TAOK1: variants seen among roughly 807,000 people sequenced by gnomAD.
The protein encoded by TAOK1 is TAO kinase 1.
In TAOK1, 21 loss-of-function variants were observed where a neutral mutation model predicts 138.3. The observed-to-expected ratio is 0.15, with a 90% CI of 0.11 to 0.22. The LOEUF (loss-of-function observed/expected upper bound fraction) is 0.22, where lower values mean the gene tolerates loss of function less well. TAOK1 is among the 10% of genes least tolerant of loss of function. TAOK1 has a pLI of 1.00. For missense variants in TAOK1, 651 were observed against 1,227.7 expected, an observed-to-expected ratio of 0.53 and a Z score of 7.02; for synonymous variants, 361 against 398.4, an observed-to-expected ratio of 0.91 and a Z score of 1.12.
At chr17:29,502,005 A>T (rs192033196) in intron 12 of TAOK1, among the ~76,000 whole-genome samples, 5 of 152,132 alleles carry the variant, frequency 3.3e-5, no homozygotes, top group African/African-American at 1.2e-4. Flanking sequence ...TTACCACTGC[A>T]CTCCAACCTG....
chr17:29,423,703 TTC>T (rs1567714337), intron 1 of TAOK1, among the ~76,000 whole-genome samples: 1 of 152,160 alleles, frequency 6.6e-6, no homozygotes, highest in Non-Finnish European at 1.5e-5. Flanking sequence ...TCTGATTTAA[TTC>T]TGTGTGGTCG....
At chr17:29,507,867 T>C (rs1365474954) in intron 13 of TAOK1, 29 bp from the exon 14 acceptor site, 6 of 1,587,904 alleles carry the variant, frequency 3.8e-6, no homozygotes, top group Non-Finnish European at 5.2e-6. Context: ...TTTATTTTCT[T>C]CTTTTCCTTA....
intron 14 of TAOK1, among the ~76,000 whole-genome samples, chr17:29,510,474 C>A (rs1387542659): frequency 1.3e-5 from 2 of 152,080 alleles, no homozygotes; most frequent in Non-Finnish European, 2.9e-5. Flanking sequence ...TAAGATGTTT[C>A]TTGTTTTTCT....
In TAOK1 at chr17:29,397,607, C is replaced by CTCAAAAA. The variant is rs60665025; in HGVS notation, c.-95+6583_-95+6584insTCAAAAA. ...AACAGAGTGAGATTCCGTCCCCCCC[C>CTCAAAAA]AAAAAAATATATATATATATATACA... On this transcript the variant is annotated intron_variant, in intron 1 of 19. Transcript: ENST00000261716. 1.6e-4 allele frequency among the ~76,000 whole-genome samples: 15 copies of CTCAAAAA among 94,616 alleles called. 1 individual carries two copies. The highest frequency in any genetic ancestry group is 8.0e-4 in the African/African-American group (15 of 18,698). 62.1% of individuals were successfully genotyped at this position (94,616 alleles called of 152,430 possible).
intron 15 of TAOK1, among the ~76,000 whole-genome samples, chr17:29,516,501 A>AT (rs36052568): frequency 0.051 from 6,440 of 126,964 alleles, 539 homozygotes; most frequent in African/African-American, 0.17. Context: ...CACCTGGCTA[A>AT]TTTTTTTTTT....
intron 2 of TAOK1, among the ~76,000 whole-genome samples, chr17:29,458,858 G>C (rs530664594): frequency 5.3e-4 from 81 of 151,904 alleles, no homozygotes; most frequent in African/African-American, 1.9e-3. Context: ...CCACGCCCAG[G>C]TAATTTTATT....
At chr17:29,509,764 C>CA (rs1207279357) in intron 14 of TAOK1, among the ~76,000 whole-genome samples, 1 of 151,584 alleles carries the variant, frequency 6.6e-6, no homozygotes, top group Non-Finnish European at 1.5e-5. Context: ...AGCAGGGTGG[C>CA]ATACGCCTTT....
intron 8 of TAOK1, 86 bp from the exon 9 acceptor site, chr17:29,489,578 A>AT: frequency 1.2e-6 from 1 of 842,130 alleles, no homozygotes. Context: ...AAATAAAATC[A>AT]TTTAAAAAAA....
chr17:29,509,662 G>C (rs1408086167), intron 14 of TAOK1, among the ~76,000 whole-genome samples: 1 of 151,966 alleles, frequency 6.6e-6, no homozygotes, highest in Non-Finnish European at 1.5e-5. Context: ...GGGAGGCCGA[G>C]GTGAGAAGAT....
intron 19 of TAOK1, among the ~76,000 whole-genome samples, chr17:29,540,647 C>T (rs1452798384): frequency 1.3e-5 from 2 of 151,416 alleles, no homozygotes; most frequent in Admixed American, 6.6e-5. Flanking sequence ...CTCTTCTCAC[C>T]GCAACCTCCG....
chr17:29,419,432 T>C (rs1905359443), intron 1 of TAOK1, among the ~76,000 whole-genome samples: 1 of 151,932 alleles, frequency 6.6e-6, no homozygotes, highest in Non-Finnish European at 1.5e-5. Context: ...CCGACATCAA[T>C]TGATCCACCC....
intron 1 of TAOK1, among the ~76,000 whole-genome samples, chr17:29,408,222 G>GT (rs1180646566): frequency 0.037 from 4,799 of 130,926 alleles, 162 homozygotes; most frequent in African/African-American, 0.084. Flanking sequence ...TGGCCATAAG[G>GT]TTTTTTTTTT....
intron 1 of TAOK1, among the ~76,000 whole-genome samples, chr17:29,395,583 T>C (rs1904570035): frequency 6.6e-6 from 1 of 150,532 alleles, no homozygotes; most frequent in Admixed American, 6.6e-5. Flanking sequence ...AAGTTTCGCA[T>C]AAAATTGAGA....
chr17:29,528,846 A>G lies in TAOK1; in HGVS notation c.2149-1561A>G, dbSNP rs983990135. 2.4e-4 allele frequency among the ~76,000 whole-genome samples: 35 copies of G among 146,156 alleles called. No homozygotes were observed. In the East Asian group the frequency reaches 4.1e-3, roughly 17 times the overall value. On this transcript the variant is annotated intron_variant, in intron 17 of 19. Transcript: ENST00000261716. The stretch of plus-strand genomic sequence containing the variant: ...CAGAATGAGACTCCGTCTCAAAAAA[A>G]AAAAAAAAAAAAAAAAAAGAAATTG...
chr17:29,524,866 T>C (rs1017812166), intron 17 of TAOK1, among the ~76,000 whole-genome samples: 1 of 152,204 alleles, frequency 6.6e-6, no homozygotes, highest in Non-Finnish European at 1.5e-5. Flanking sequence ...TGCTGCCTAC[T>C]CCGCTGTTTC....
At chr17:29,540,479 C>G (rs888516948) in intron 19 of TAOK1, among the ~76,000 whole-genome samples, 1 of 152,052 alleles carries the variant, frequency 6.6e-6, no homozygotes, top group African/African-American at 2.4e-5. Context: ...ATTCTCCTGC[C>G]TCAGACTCCT....
At chr17:29,473,972 T>G (rs2030888159) in intron 3 of TAOK1, among the ~76,000 whole-genome samples, 1 of 152,160 alleles carries the variant, frequency 6.6e-6, no homozygotes. Context: ...CCTCAAGTGA[T>G]CTGTCCGCCT....
intron 19 of TAOK1, among the ~76,000 whole-genome samples, chr17:29,537,506 ATTT>A (rs35498725): frequency 4.1e-4 from 51 of 123,314 alleles, no homozygotes; most frequent in Admixed American, 5.7e-4. Context: ...ATGACCACTG[ATTT>A]TTTTTTTTTT....
At chr17:29,465,640 T>A (rs2030644190) in intron 2 of TAOK1, among the ~76,000 whole-genome samples, 2 of 152,096 alleles carry the variant, frequency 1.3e-5, no homozygotes, top group African/African-American at 4.8e-5. Context: ...GAACATTTTG[T>A]CTTTGGGAAT....
Sources: gnomAD v4.1 joint callset for allele counts (sites outside exome capture counted in the v4.1 genomes callset) on GRCh38, gnomAD v4.1.1 for gene constraint, MANE v1.5 for transcripts, NCBI Gene and HGNC (gene_info 2026-07-23, HGNC 2026-07-21) for gene names.